The following STARD13 variants were observed in gnomAD, a reference collection of about 807,000 sequenced individuals.
STARD13 encodes the protein stAR-related lipid transfer protein 13.
STARD13 carries 62 observed loss-of-function variants against 106.4 expected under a neutral mutation model. The ratio of observed to expected loss-of-function variants is 0.58; its 90% CI spans 0.48 to 0.72. The LOEUF (loss-of-function observed/expected upper bound fraction) is 0.72, where lower values mean the gene tolerates loss of function less well. STARD13 is among the 30% of genes least tolerant of loss of function. STARD13 has a pLI of 0.00. For missense variants in STARD13, 1,387 were observed against 1,424.0 expected (o/e 0.97, Z 0.42); for synonymous variants, 565 against 553.0 (o/e 1.02, Z -0.31).
the STARD13 span, among the ~76,000 whole-genome samples, chr13:33,529,509 T>G: frequency 6.6e-6 from 1 of 152,108 alleles, no homozygotes; most frequent in Non-Finnish European, 1.5e-5. Flanking sequence ...AGCCAGCCAG[T>G]CATTCATTCA....
chr13:33,651,390 A>G, the STARD13 span, among the ~76,000 whole-genome samples: 3 of 152,216 alleles, frequency 2.0e-5, no homozygotes, highest in Non-Finnish European at 4.4e-5. Flanking sequence ...TTACATTTCA[A>G]TGTGTTCATA....
chr13:33,493,224 C>A, the STARD13 span, among the ~76,000 whole-genome samples: 1 of 152,242 alleles, frequency 6.6e-6, no homozygotes, highest in Admixed American at 6.5e-5. Flanking sequence ...CACAACAGAG[C>A]CTCCTTGCGG....
At chr13:33,407,022 G>T in the STARD13 span, among the ~76,000 whole-genome samples, 1 of 152,236 alleles carries the variant, frequency 6.6e-6, no homozygotes, top group African/African-American at 2.4e-5. Context: ...AAATCTGGCA[G>T]TTAAAGTGAG....
chr13:33,338,879 C>T (rs9537257), intron 1 of STARD13, among the ~76,000 whole-genome samples: 77,022 of 130,392 alleles, frequency 0.59, 23,136 homozygotes, highest in East Asian at 0.95. Flanking sequence ...AACGAGACTC[C>T]GTCTCAAAAA....
At chr13:33,519,222 TTCTTTC>T in the STARD13 span, among the ~76,000 whole-genome samples, 1 of 142,294 alleles carries the variant, frequency 7.0e-6, no homozygotes, top group African/African-American at 2.7e-5. Flanking sequence ...CTTTCTTTCT[TTCTTTC>T]TTTCTTTCTT....
chr13:33,648,382 G>T, the STARD13 span, among the ~76,000 whole-genome samples: 1 of 152,208 alleles, frequency 6.6e-6, no homozygotes, highest in African/African-American at 2.4e-5. Context: ...TAGTACAGCG[G>T]TTTCAGCCGA....
At chr13:33,415,806 C>T in the STARD13 span, among the ~76,000 whole-genome samples, 2 of 152,188 alleles carry the variant, frequency 1.3e-5, no homozygotes, top group African/African-American at 2.4e-5. Context: ...AAAAACTAAG[C>T]GAGAGATAGT....
At chr13:33,628,575 A>G in the STARD13 span, among the ~76,000 whole-genome samples, 1 of 152,230 alleles carries the variant, frequency 6.6e-6, no homozygotes, top group Non-Finnish European at 1.5e-5. Context: ...TATAAACAAG[A>G]GACACCTTAG....
the STARD13 span, among the ~76,000 whole-genome samples, chr13:33,397,556 A>C: frequency 2.6e-5 from 4 of 152,198 alleles, no homozygotes; most frequent in African/African-American, 9.7e-5. Context: ...GTTTGCAAGG[A>C]GGGTAAAATT....
chr13:33,505,098 G>T, the STARD13 span, among the ~76,000 whole-genome samples: 9 of 152,276 alleles, frequency 5.9e-5, no homozygotes, highest in East Asian at 1.7e-3. Context: ...TGTTGCTCTT[G>T]TAAGCAGAGA....
intron 7 of STARD13, among the ~76,000 whole-genome samples, chr13:33,118,767 C>T (rs1029393066): frequency 6.6e-6 from 1 of 152,126 alleles, no homozygotes; most frequent in African/African-American, 2.4e-5. Flanking sequence ...ACAGCCATAT[C>T]CAGTGCCCCT....
intron 1 of STARD13, among the ~76,000 whole-genome samples, chr13:33,173,165 T>C (rs910861868): frequency 1.8e-4 from 28 of 152,208 alleles, no homozygotes; most frequent in South Asian, 4.1e-4. Flanking sequence ...TCAAAGGTGT[T>C]AACATTTCAA....
At chr13:33,172,253 T>C (rs1884045652) in intron 1 of STARD13, among the ~76,000 whole-genome samples, 1 of 152,234 alleles carries the variant, frequency 6.6e-6, no homozygotes, top group South Asian at 2.1e-4. Flanking sequence ...GGAAATTTAC[T>C]TTGTTTCGAG....
At chr13:33,643,659 C>A in the STARD13 span, among the ~76,000 whole-genome samples, 1 of 152,266 alleles carries the variant, frequency 6.6e-6, no homozygotes, top group South Asian at 2.1e-4. Flanking sequence ...GGTCAGCATA[C>A]TTTCAGCTGG....
chr13:33,261,091 G>T (rs888291110), intron 1 of STARD13, among the ~76,000 whole-genome samples: 3 of 152,182 alleles, frequency 2.0e-5, no homozygotes, highest in African/African-American at 7.2e-5. Context: ...TTTGTTAAAA[G>T]ATTGAACAAA....
At chr13:33,626,478 C>G in the STARD13 span, among the ~76,000 whole-genome samples, 1 of 152,162 alleles carries the variant, frequency 6.6e-6, no homozygotes, top group Non-Finnish European at 1.5e-5. Context: ...ACCTTATTAT[C>G]TATCTCTCTA....
chr13:33,187,965 A>G (rs552185227), intron 1 of STARD13, among the ~76,000 whole-genome samples: 1 of 152,308 alleles, frequency 6.6e-6, no homozygotes, highest in Non-Finnish European at 1.5e-5. Context: ...GATTATAGAC[A>G]TGAGCCACTG....
the STARD13 span, among the ~76,000 whole-genome samples, chr13:33,544,562 C>G: frequency 6.6e-6 from 1 of 152,080 alleles, no homozygotes; most frequent in African/African-American, 2.4e-5. Context: ...ATTTAAATCA[C>G]TGCTATTTTG....
At chr13:33,162,645 T>C (rs1882767690) in intron 3 of STARD13, among the ~76,000 whole-genome samples, 1 of 152,202 alleles carries the variant, frequency 6.6e-6, no homozygotes, top group African/African-American at 2.4e-5. Flanking sequence ...ATGCCACCAG[T>C]CTCTTTGCTA....
Sources: gnomAD v4.1 joint callset for allele counts (sites outside exome capture counted in the v4.1 genomes callset) on GRCh38, gnomAD v4.1.1 for gene constraint, MANE v1.5 for transcripts, NCBI Gene and HGNC (gene_info 2026-07-23, HGNC 2026-07-21) for gene names.